The following ATP1A1 variants were observed in gnomAD, a reference collection of about 807,000 sequenced individuals.
ATP1A1 encodes sodium/potassium-transporting ATPase subunit alpha-1.
Under a neutral mutation model 114.8 loss-of-function variants are expected in ATP1A1, and 14 were observed. The ratio of observed to expected loss-of-function variants is 0.12; its 90% CI spans 0.08 to 0.19. The LOEUF (loss-of-function observed/expected upper bound fraction) is 0.19. Among genes scored for constraint, ATP1A1 ranks in the 10% least tolerant of loss-of-function variants. ATP1A1 has a pLI of 1.00. For missense variants in ATP1A1, 524 were observed against 1,290.7 expected (o/e 0.41, Z 9.10); for synonymous variants, 471 against 466.3 (o/e 1.01, Z -0.13).
rs151338939 is a variant in ATP1A1 at position 116,393,059 on chromosome 1, G to A, written c.1467+71G>A. 2.2e-4 allele frequency: 345 copies of A among 1,574,964 alleles called. No individual in the cohort carries two copies. In the African/African-American group the frequency reaches 4.1e-3, roughly 19 times the overall value. Reference sequence around the variant, plus strand: ...ACAAAGAGGGGAGGTACATGAGCAGGAAGAGGAAATATTCTCCCTTTGGAG... The same window carrying A: ...ACAAAGAGGGGAGGTACATGAGCAGAAAGAGGAAATATTCTCCCTTTGGAG... On this transcript the variant is annotated intron_variant, in intron 11 of 22. Transcript: ENST00000295598. This position sits in a 1 kb window ranked among gnomAD's most constrained non-coding sequence, Gnocchi z 5.0.
At position 116,373,421 on chromosome 1, in the gene ATP1A1, G is replaced by A; in HGVS notation, c.-91G>A. On this transcript the variant is annotated 5_prime_UTR_variant, in exon 1 of 23. Coordinates refer to ENST00000295598, the MANE Select transcript of ATP1A1 (RefSeq NM_000701.8). ...CTAGCTCCCTCCACTTGGCTCCCCTGGTCCCGCTCGCTCGGCCGGGAGCTG... is the reference window on the plus strand; with the variant it reads ...CTAGCTCCCTCCACTTGGCTCCCCTAGTCCCGCTCGCTCGGCCGGGAGCTG... 2.2e-6 allele frequency: 3 copies of A among 1,356,540 alleles called. No individual in the cohort carries two copies. Among genetic ancestry groups the A allele is most frequent in the South Asian group, 1.3e-5 (1 of 74,664 alleles). The allele number at this position is 1,356,540 out of a possible 1,614,324, so 84.0% of individuals were successfully genotyped here. A position where few individuals can be genotyped will look rare whatever the true frequency, so the allele number is the denominator to read the frequency against.
rs1406549558 is a variant in ATP1A1, at chr1:116,404,495, C to T, written c.*51C>T. ...ATCAGGCCACACACTCTGCATCCGACACCCACCCCCTCTTTGTGTACTTCA... is the reference window on the plus strand; with the variant it reads ...ATCAGGCCACACACTCTGCATCCGATACCCACCCCCTCTTTGTGTACTTCA... On this transcript the variant is annotated 3_prime_UTR_variant, in exon 23 of 23. Transcript: ENST00000295598. The surrounding 1 kb of genome is among the most constrained non-coding windows in gnomAD (Gnocchi z 4.8). 4 of 1,576,714 alleles carry T rather than the reference C, an allele frequency of 2.5e-6. No homozygotes were observed. In the African/African-American group the frequency reaches 5.5e-5, roughly 22 times the overall value.
Position 116,393,048 on chromosome 1 carries a change from T to C in ATP1A1, c.1467+60T>C, listed in dbSNP as rs896120724. The C allele has an allele frequency of 7.6e-5, 120 of 1,588,012 alleles. No individual in the cohort carries two copies. The highest frequency in any genetic ancestry group is 9.7e-5 in the Non-Finnish European group (113 of 1,165,756). ...CAAGCTGGGGGACAAAGAGGGGAGG[T>C]ACATGAGCAGGAAGAGGAAATATTC... is the stretch of plus-strand genomic sequence containing the variant. On this transcript the variant is annotated intron_variant, in intron 11 of 22. Transcript: ENST00000295598. The surrounding 1 kb of genome is among the most constrained non-coding windows in gnomAD (Gnocchi z 5.0).
intron 10 of ATP1A1, chr1:116,392,537 T>C (rs541177289): frequency 4.9e-4 from 105 of 213,872 alleles, no homozygotes; most frequent in African/African-American, 2.1e-3. Context: ...CAGGGGAAGA[T>C]AGAAATAGAC....
chr1:116,398,550 G>C lies in ATP1A1; in HGVS notation c.2125-71G>C. 2.0e-6 allele frequency: 3 copies of C among 1,534,548 alleles called. No individual in the cohort carries two copies. Among genetic ancestry groups the C allele is most frequent in the South Asian group, 2.5e-5 (2 of 81,120 alleles). ...TGTCTGTAATGAGTGCTCAGTGGGG[G>C]CATGCATCGCACTATTTCCATCGCT... On this transcript the variant is annotated intron_variant, in intron 15 of 22. Transcript: ENST00000295598. This position sits in a 1 kb window ranked among gnomAD's most constrained non-coding sequence, Gnocchi z 6.1.
chr1:116,402,852 C>T (rs1241377428), intron 21 of ATP1A1, among the ~76,000 whole-genome samples: 1 of 152,166 alleles, frequency 6.6e-6, no homozygotes, highest in African/African-American at 2.4e-5. Context: ...CACCTCCCTG[C>T]TAGGTTTTAA....
chr1:116,387,282 T>C lies in ATP1A1; in HGVS notation c.184-6T>C. On this transcript the variant is annotated splice_polypyrimidine_tract_variant and splice_region_variant and intron_variant, in intron 3 of 22. Transcript: ENST00000295598. The surrounding 1 kb of genome is among the most constrained non-coding windows in gnomAD (Gnocchi z 6.7). The stretch of plus-strand genomic sequence containing the variant: ...TTTGCCTTATTTATATTCCACTGCT[T>C]CTCAGGGATTAACATCTGCTCGTGC... 1 of 1,613,964 alleles carries C rather than the reference T, an allele frequency of 6.2e-7. No individual in the cohort carries two copies. The highest frequency in any genetic ancestry group is 8.5e-7 in the Non-Finnish European group (1 of 1,179,996).
rs1377094258 is a variant in ATP1A1, at chr1:116,387,770, C to T, written c.387+279C>T. Among the ~76,000 whole-genome samples the T allele has an allele frequency of 6.6e-6, 1 of 152,266 alleles. No homozygotes were observed. The highest frequency in any genetic ancestry group is 1.5e-5 in the Non-Finnish European group (1 of 68,050). On this transcript the variant is annotated intron_variant, in intron 4 of 22. Coordinates refer to ENST00000295598, the MANE Select transcript of ATP1A1 (RefSeq NM_000701.8). The surrounding 1 kb of genome is among the most constrained non-coding windows in gnomAD (Gnocchi z 6.7). ...CTGCTCAGGCCCCGGCCGCCACCCA[C>T]TGGATGGCAGAGCACAGCGATTCAT...
chr1:116,395,234 A>C lies in ATP1A1; in HGVS notation c.1785A>C (p.Pro595=). 1 of 1,614,174 alleles carries C rather than the reference A, an allele frequency of 6.2e-7. No individual in the cohort carries two copies. ...GGCTCATCTCCATGATTGACCCTCC[A>C]CGGGCGGCCGTTCCTGATGCCGTGG... ...FVGLISMIDP[P]RAAVPDAVGK... The change falls in exon 13 of 23, where the codon CCA becomes CCC. Residue 595 remains proline (P), a synonymous_variant. Transcript: ENST00000295598. The surrounding 1 kb of genome is among the most constrained non-coding windows in gnomAD (Gnocchi z 6.4).
rs1262055167 is a variant in ATP1A1, at chr1:116,398,179, A to G, written c.2124+141A>G. ...GTATAAATAGGCCAGTAGGAAGCTC[A>G]TAGGCATAGAGAGGGTGACTTGTTA... is the stretch of plus-strand genomic sequence containing the variant. On this transcript the variant is annotated intron_variant, in intron 15 of 22. Transcript: ENST00000295598. This position sits in a 1 kb window ranked among gnomAD's most constrained non-coding sequence, Gnocchi z 6.1. 3 of 1,213,052 alleles carry G rather than the reference A, an allele frequency of 2.5e-6. No individual in the cohort carries two copies. The highest frequency in any genetic ancestry group is 3.1e-5 in the African/African-American group (2 of 65,154). 75.1% of individuals were successfully genotyped at this position (1,213,052 alleles called of 1,614,324 possible).
chr1:116,374,152 GA>G, intron 1 of ATP1A1: 1 of 1,549,044 alleles, frequency 6.5e-7, no homozygotes, highest in Non-Finnish European at 8.7e-7. Flanking sequence ...CTCCCCCAAA[GA>G]AAAAACTGGC....
Position 116,389,355 on chromosome 1 carries a change from T to G in ATP1A1, c.755-84T>G. 3 of 1,530,390 alleles carry G rather than the reference T, an allele frequency of 2.0e-6. No individual in the cohort carries two copies. Among genetic ancestry groups the G allele is most frequent in the Non-Finnish European group, 2.6e-6 (3 of 1,132,918 alleles). 94.8% of individuals were successfully genotyped at this position (1,530,390 alleles called of 1,614,324 possible). A position where few individuals can be genotyped will look rare whatever the true frequency, so the allele number is the denominator to read the frequency against. On this transcript the variant is annotated intron_variant, in intron 7 of 22. Transcript: ENST00000295598. The surrounding 1 kb of genome is among the most constrained non-coding windows in gnomAD (Gnocchi z 6.9). ...TTATCAACTCTTTTTGTTTTTTTAGTCATCCTATGTAATTGTGTAAAATCC... is the reference window on the plus strand; with the variant it reads ...TTATCAACTCTTTTTGTTTTTTTAGGCATCCTATGTAATTGTGTAAAATCC...
intron 1 of ATP1A1, chr1:116,383,588 T>G (rs1281535045): frequency 1.2e-5 from 2 of 164,808 alleles, no homozygotes; most frequent in Admixed American, 1.2e-4. Context: ...AACTCAAGGC[T>G]GTCTGATTGA....
chr1:116,403,923 C>G lies in ATP1A1; in HGVS notation c.2991C>G (p.Leu997=). The change falls in exon 22 of 23, where the codon CTC becomes CTG. Residue 997 remains leucine, a synonymous_variant. Transcript: ENST00000295598. ...TCTGTGCCTTCCCCTACTCTCTTCT[C>G]ATCTTCGTATATGACGAAGTCAGAA... ...WWFCAFPYSL[L]IFVYDEVRKL... 3 of 1,614,222 alleles carry G rather than the reference C, an allele frequency of 1.9e-6. No individual in the cohort carries two copies. Among genetic ancestry groups the G allele is most frequent in the Non-Finnish European group, 2.5e-6 (3 of 1,180,034 alleles).
intron 1 of ATP1A1, chr1:116,383,242 G>A: frequency 2.4e-6 from 1 of 420,052 alleles, no homozygotes. Context: ...TCAGGCTACA[G>A]AATGGGCTGG....
chr1:116,390,680 T>C, intron 9 of ATP1A1, 102 bp from the exon 10 acceptor site: 2 of 979,376 alleles, frequency 2.0e-6, no homozygotes, highest in Non-Finnish European at 1.6e-6. Flanking sequence ...GGAAATGAGA[T>C]GTATCACTGC....
Position 116,373,542 on chromosome 1 carries a change from CGGGGAGG to C in ATP1A1, c.12+23_12+29del. On this transcript the variant is annotated intron_variant, in intron 1 of 22. Transcript: ENST00000295598. ...GAAGGGGGTGAGTGTCCGGCGCGCC[CGGGGAGG>C]GGGCTCGGGGAGCCCTCGAGGGGAA... 6.9e-7 allele frequency: 1 copy of C among 1,447,674 alleles called. No homozygotes were observed. The highest frequency in any genetic ancestry group is 9.1e-7 in the Non-Finnish European group (1 of 1,101,900). 89.7% of individuals were successfully genotyped at this position (1,447,674 alleles called of 1,614,324 possible).
chr1:116,404,640 T>C lies in ATP1A1; in HGVS notation c.*196T>C. On this transcript the variant is annotated 3_prime_UTR_variant, in exon 23 of 23. Coordinates refer to ENST00000295598, the MANE Select transcript of ATP1A1 (RefSeq NM_000701.8). This position sits in a 1 kb window ranked among gnomAD's most constrained non-coding sequence, Gnocchi z 4.8. ...AGGGGGGAGGGCTGCCTGAAAACCA[T>C]CCATCTGTGGAAATGACAGCGGGGA... 1.5e-6 allele frequency: 2 copies of C among 1,310,236 alleles called. No individual in the cohort carries two copies. Among genetic ancestry groups the C allele is most frequent in the Non-Finnish European group, 1.9e-6 (2 of 1,033,852 alleles). The allele number at this position is 1,310,236 out of a possible 1,614,324, so 81.2% of individuals were successfully genotyped here. A position where few individuals can be genotyped will look rare whatever the true frequency, so the allele number is the denominator to read the frequency against.
chr1:116,379,271 G>T (rs542188771), intron 1 of ATP1A1, among the ~76,000 whole-genome samples: 1 of 152,270 alleles, frequency 6.6e-6, no homozygotes, highest in African/African-American at 2.4e-5. Flanking sequence ...CTCACAAAGG[G>T]ATCTACTGCT....
Sources: gnomAD v4.1 joint callset for allele counts (sites outside exome capture counted in the v4.1 genomes callset) on GRCh38, gnomAD v4.1.1 for gene constraint, Gnocchi (gnomAD v3.1) non-coding constraint, MANE v1.5 for transcripts, NCBI Gene and HGNC (gene_info 2026-07-23, HGNC 2026-07-21) for gene names.